The following LRRTM4 variants were observed in gnomAD, a reference collection of about 807,000 sequenced individuals.
The protein encoded by LRRTM4 is leucine rich repeat transmembrane neuronal 4.
Under a neutral mutation model 47.6 loss-of-function variants are expected in LRRTM4, and 25 were observed. The ratio of observed to expected loss-of-function variants is 0.53; its 90% CI spans 0.38 to 0.73. LRRTM4 has a LOEUF of 0.73. LRRTM4 is among the 30% of genes least tolerant of loss of function. The probability of loss-of-function intolerance (pLI) is 0.00; values close to 1 mark genes in which losing one functional copy is unlikely to be tolerated. For missense variants in LRRTM4, 638 were observed against 713.4 expected (o/e 0.89, Z 1.20); for synonymous variants, 311 against 269.5 (o/e 1.15, Z -1.51).
intron 3 of LRRTM4, among the ~76,000 whole-genome samples, chr2:77,395,557 T>C (rs1673669847): frequency 6.6e-6 from 1 of 151,990 alleles, no homozygotes; most frequent in African/African-American, 2.4e-5. Context: ...CTACAACTTA[T>C]CTCAAGCCTC....
At chr2:76,781,421 A>G (rs923611818) in intron 3 of LRRTM4, among the ~76,000 whole-genome samples, 3 of 152,012 alleles carry the variant, frequency 2.0e-5, no homozygotes, top group Non-Finnish European at 4.4e-5. Context: ...TGGGCGTAGG[A>G]CCCTCCGAGC....
At chr2:77,091,243 G>A (rs1227589129) in intron 3 of LRRTM4, among the ~76,000 whole-genome samples, 8 of 148,706 alleles carry the variant, frequency 5.4e-5, no homozygotes, top group African/African-American at 7.6e-5. Context: ...TCCTCCTCTT[G>A]TATCCCCCCA....
At chr2:77,410,719 G>A (rs961034201) in intron 3 of LRRTM4, among the ~76,000 whole-genome samples, 5 of 152,022 alleles carry the variant, frequency 3.3e-5, no homozygotes, top group African/African-American at 1.2e-4. Context: ...TTATAACCAG[G>A]GATGTATATT....
intron 3 of LRRTM4, among the ~76,000 whole-genome samples, chr2:76,978,730 C>T (rs1676500086): frequency 6.6e-6 from 1 of 152,008 alleles, no homozygotes; most frequent in African/African-American, 2.4e-5. Context: ...AACATATTCT[C>T]AAGGAGATGG....
At position 77,129,870 on chromosome 2, in the gene LRRTM4, G is replaced by A. The variant is rs138022539; in HGVS notation, c.1552-380954C>T. ...AACTTTGGGAGTATAGCACATAACT[G>A]TAATGTTAGGAAAAACATAATAGAG... On this transcript the variant is annotated intron_variant, in intron 3 of 3. Transcript: ENST00000409884. Among the ~76,000 whole-genome samples the A allele has an allele frequency of 2.4e-4, 37 of 152,240 alleles. 1 individual carries two copies. The South Asian group carries it at 7.1e-3, about 29-fold the overall frequency.
chr2:76,896,138 T>G (rs1673410330), intron 3 of LRRTM4, among the ~76,000 whole-genome samples: 2 of 152,040 alleles, frequency 1.3e-5, no homozygotes, highest in Non-Finnish European at 2.9e-5. Context: ...TGGGAAAATT[T>G]CATAAAATTA....
chr2:77,093,723 C>A (rs777707606), intron 3 of LRRTM4, among the ~76,000 whole-genome samples: 2 of 151,596 alleles, frequency 1.3e-5, no homozygotes, highest in Non-Finnish European at 2.9e-5. Context: ...TGCACATATA[C>A]GCCCAGATGG....
chr2:77,502,479 A>C, intron 3 of LRRTM4, among the ~76,000 whole-genome samples: 1 of 151,604 alleles, frequency 6.6e-6, no homozygotes, highest in East Asian at 1.9e-4. Flanking sequence ...TTTGAAATAA[A>C]AATTTATAAA....
At chr2:77,245,623 C>CTTT (rs397731625) in intron 3 of LRRTM4, among the ~76,000 whole-genome samples, 75 of 149,098 alleles carry the variant, frequency 5.0e-4, no homozygotes, top group South Asian at 1.7e-3. Context: ...ACTTTAAACA[C>CTTT]TTTTTTTTTG....
chr2:76,868,052 G>T (rs995066272), intron 3 of LRRTM4, among the ~76,000 whole-genome samples: 2 of 152,092 alleles, frequency 1.3e-5, no homozygotes, highest in Non-Finnish European at 2.9e-5. Context: ...ATTTCCTGTT[G>T]ACTCAGATGT....
chr2:77,064,046 C>G (rs981164231), intron 3 of LRRTM4, among the ~76,000 whole-genome samples: 16 of 151,952 alleles, frequency 1.1e-4, no homozygotes, highest in Non-Finnish European at 2.1e-4. Flanking sequence ...TTTTAAGGAG[C>G]AAGAAATTCT....
intron 3 of LRRTM4, among the ~76,000 whole-genome samples, chr2:77,212,881 TG>T (rs1471652665): frequency 6.6e-6 from 1 of 152,088 alleles, no homozygotes; most frequent in Non-Finnish European, 1.5e-5. Context: ...TAAGGAGAAA[TG>T]AAACATTTTA....
At chr2:77,211,269 A>G (rs575073107) in intron 3 of LRRTM4, among the ~76,000 whole-genome samples, 67 of 152,314 alleles carry the variant, frequency 4.4e-4, no homozygotes, top group African/African-American at 1.5e-3. Flanking sequence ...CTGGAAGGAC[A>G]GATAAGGGGA....
In LRRTM4 at chr2:77,133,043, C is replaced by G. The variant is rs1019202030; in HGVS notation, c.1552-384127G>C. Among the ~76,000 whole-genome samples, 7 of 152,142 alleles carry G rather than the reference C, an allele frequency of 4.6e-5. No homozygotes were observed. In the South Asian group the frequency reaches 8.3e-4, roughly 18 times the overall value. On this transcript the variant is annotated intron_variant, in intron 3 of 3. Transcript: ENST00000409884. ...GGTAAATCTATTTCCCAGTAAATATCTATCAGAACTGAACCAGTCCTGGAG... is the reference window on the plus strand; with the variant it reads ...GGTAAATCTATTTCCCAGTAAATATGTATCAGAACTGAACCAGTCCTGGAG...
intron 3 of LRRTM4, among the ~76,000 whole-genome samples, chr2:76,905,843 T>A (rs1215451117): frequency 6.6e-5 from 10 of 151,922 alleles, no homozygotes; most frequent in Non-Finnish European, 8.8e-5. Flanking sequence ...ATATGGGACT[T>A]TGTGAAAAGA....
intron 3 of LRRTM4, among the ~76,000 whole-genome samples, chr2:77,053,234 A>G (rs561556260): frequency 5.8e-4 from 89 of 152,330 alleles, no homozygotes; most frequent in Admixed American, 2.5e-3. Context: ...ACTTTCTCCT[A>G]TATCTCCATG....
intron 3 of LRRTM4, among the ~76,000 whole-genome samples, chr2:76,783,819 C>T (rs527749860): frequency 1.9e-4 from 29 of 152,130 alleles, no homozygotes; most frequent in African/African-American, 6.5e-4. Context: ...TTCAGCAGTG[C>T]CGTATATTTT....
At chr2:76,863,623 T>G (rs1375542186) in intron 3 of LRRTM4, among the ~76,000 whole-genome samples, 1 of 152,220 alleles carries the variant, frequency 6.6e-6, no homozygotes. Context: ...TCATATTTAT[T>G]TATCTTTTAT....
At position 76,748,620 on chromosome 2, in the gene LRRTM4, G is replaced by T; in HGVS notation, c.*75C>A. The T allele has an allele frequency of 8.5e-7, 1 of 1,177,130 alleles. No homozygotes were observed. The highest frequency in any genetic ancestry group is 1.2e-6 in the Non-Finnish European group (1 of 806,888). 72.9% of individuals were successfully genotyped at this position (1,177,130 alleles called of 1,614,324 possible). On this transcript the variant is annotated 3_prime_UTR_variant, in exon 4 of 4. Transcript: ENST00000409884. Reference sequence around the variant, plus strand: ...GAGCTTGCTCGATTGCGCGATTGTGGACACCCATTCTCCTTTAAGATGAAG... The same window carrying T: ...GAGCTTGCTCGATTGCGCGATTGTGTACACCCATTCTCCTTTAAGATGAAG...
Sources: allele counts gnomAD v4.1 joint callset (sites outside exome capture counted in the v4.1 genomes callset), GRCh38; gene constraint gnomAD v4.1.1; transcripts MANE v1.5; gene names NCBI Gene and HGNC (gene_info 2026-07-23, HGNC 2026-07-21).